Variants in GRIN2A observed in about 807,000 individuals in gnomAD.
The protein encoded by GRIN2A is glutamate ionotropic receptor NMDA type subunit 2A.
GRIN2A carries 22 observed loss-of-function variants against 113.4 expected under a neutral mutation model. That is an observed-to-expected ratio of 0.19 (90% CI 0.14 to 0.28). GRIN2A has a LOEUF of 0.28. Ranked by LOEUF, GRIN2A falls within the 10% of genes least tolerant of loss-of-function variation. GRIN2A has a pLI of 1.00. For missense variants in GRIN2A, 1,502 were observed against 1,887.0 expected (o/e 0.80, Z 3.78); for synonymous variants, 827 against 738.4 (o/e 1.12, Z -1.94).
chr16:10,072,493 T>C (rs2047774207), intron 2 of GRIN2A, among the ~76,000 whole-genome samples: 1 of 152,210 alleles, frequency 6.6e-6, no homozygotes. Flanking sequence ...CCTGAGTTTC[T>C]GTTTTGATTT....
intron 2 of GRIN2A, among the ~76,000 whole-genome samples, chr16:10,040,411 A>C (rs1203779431): frequency 6.7e-6 from 1 of 148,448 alleles, no homozygotes; most frequent in Non-Finnish European, 1.5e-5. Flanking sequence ...CCACAAACAC[A>C]CCACCACACA....
At chr16:10,058,690 T>C (rs764889642) in intron 2 of GRIN2A, among the ~76,000 whole-genome samples, 1 of 152,224 alleles carries the variant, frequency 6.6e-6, no homozygotes. Flanking sequence ...CACAGACCCC[T>C]TAGGGGCCCG....
chr16:9,975,978 G>A (rs548869122), intron 2 of GRIN2A, among the ~76,000 whole-genome samples: 6 of 152,236 alleles, frequency 3.9e-5, no homozygotes, highest in African/African-American at 1.4e-4. Context: ...AAATGTGTAT[G>A]AACTTAATAA....
In GRIN2A at chr16:10,044,036, G is replaced by GAGAGAA. The variant is rs2047217109; in HGVS notation, c.415-105486_415-105485insTTCTCT. ...ATATATATATATAGAGAGAGAGAGA[G>GAGAGAA]AGAGAGAGAGACAGAGACAGAGACA... is the stretch of plus-strand genomic sequence containing the variant. On this transcript the variant is annotated intron_variant, in intron 2 of 12. Coordinates refer to ENST00000330684, the MANE Select transcript of GRIN2A (RefSeq NM_001134407.3). 7.1e-5 allele frequency among the ~76,000 whole-genome samples: 10 copies of GAGAGAA among 141,362 alleles called. No homozygotes were observed. In the South Asian group the frequency reaches 2.1e-3, roughly 29 times the overall value. The allele number at this position is 141,362 out of a possible 152,430, so 92.7% of individuals were successfully genotyped here.
At chr16:9,994,133 A>G (rs1003855685) in intron 2 of GRIN2A, among the ~76,000 whole-genome samples, 5 of 152,122 alleles carry the variant, frequency 3.3e-5, no homozygotes, top group African/African-American at 1.2e-4. Context: ...AGTGTGAAAT[A>G]CCTCCTTTCT....
chr16:10,029,461 T>C (rs2046888826), intron 2 of GRIN2A, among the ~76,000 whole-genome samples: 1 of 152,108 alleles, frequency 6.6e-6, no homozygotes, highest in African/African-American at 2.4e-5. Flanking sequence ...CCCGAAGTGC[T>C]GGGATTAGAG....
At chr16:9,794,790 G>C (rs1378408329) in intron 11 of GRIN2A, 1 of 152,188 alleles carries the variant, frequency 6.6e-6, no homozygotes, top group Non-Finnish European at 1.5e-5. Context: ...TTGGTGCAAA[G>C]AAGACCTTTT....
chr16:9,964,460 C>G (rs772883784), intron 2 of GRIN2A, among the ~76,000 whole-genome samples: 1 of 152,148 alleles, frequency 6.6e-6, no homozygotes, highest in Non-Finnish European at 1.5e-5. Flanking sequence ...ATCAACTTGG[C>G]GGGGGCTTAA....
intron 3 of GRIN2A, among the ~76,000 whole-genome samples, chr16:9,900,096 G>C (rs1052759192): frequency 6.6e-6 from 1 of 152,240 alleles, no homozygotes; most frequent in African/African-American, 2.4e-5. Flanking sequence ...ATGGGTGTCT[G>C]CTAAACTATG....
At chr16:10,135,033 G>C (rs575763088) in intron 2 of GRIN2A, among the ~76,000 whole-genome samples, 1 of 152,254 alleles carries the variant, frequency 6.6e-6, no homozygotes, top group South Asian at 2.1e-4. Context: ...GATAGGCTGA[G>C]AATTTCCCAA....
intron 2 of GRIN2A, among the ~76,000 whole-genome samples, chr16:9,977,158 G>T (rs1050754116): frequency 5.9e-5 from 9 of 152,158 alleles, no homozygotes; most frequent in Non-Finnish European, 1.0e-4. Flanking sequence ...CAGGTGTGGG[G>T]ACACATGCCT....
At chr16:10,015,252 C>CAAAAAAAAAAAAAAAAA (rs200124835) in intron 2 of GRIN2A, among the ~76,000 whole-genome samples, 24 of 19,298 alleles carry the variant, frequency 1.2e-3, no homozygotes, top group African/African-American at 1.7e-3. Context: ...GACTTCATCT[C>CAAAAAAAAAAAAAAAAA]AAAAAAAAAA....
rs2042660185 is a variant in GRIN2A at position 9,840,778 on chromosome 16, A to G, written c.1520T>C (p.Met507Thr). The change falls in exon 7 of 13, where the codon ATG (methionine) becomes ACG (threonine). Residue 507 changes from methionine to threonine, a missense_variant. By Grantham distance (81) the Met-to-Thr change is moderately conservative. Coordinates refer to ENST00000330684, the MANE Select transcript of GRIN2A (RefSeq NM_001134407.3). ...IGEVVYQRAVMAVGSLTINEE... is the reference protein window; with the variant it reads ...IGEVVYQRAVTAVGSLTINEE... ...ATTGATGGTGAGCGAGCCAACTGCC[A>G]TGACTGCCCGTTGATAGACCACCTG... The G allele has an allele frequency of 1.3e-6, 2 of 1,589,860 alleles. No homozygotes were observed. Among genetic ancestry groups the G allele is most frequent in the African/African-American group, 1.4e-5 (1 of 71,382 alleles).
At chr16:9,950,948 T>C (rs2045164938) in intron 2 of GRIN2A, among the ~76,000 whole-genome samples, 1 of 152,198 alleles carries the variant, frequency 6.6e-6, no homozygotes, top group African/African-American at 2.4e-5. Flanking sequence ...ATGAAGAAGG[T>C]AGTATTAATG....
chr16:10,100,514 C>G (rs571653060), intron 2 of GRIN2A, among the ~76,000 whole-genome samples: 1 of 152,306 alleles, frequency 6.6e-6, no homozygotes, highest in South Asian at 2.1e-4. Flanking sequence ...GTAATAAGCC[C>G]ACTCACCTCC....
intron 2 of GRIN2A, among the ~76,000 whole-genome samples, chr16:10,097,335 G>A (rs532685356): frequency 5.9e-5 from 9 of 152,190 alleles, no homozygotes; most frequent in Admixed American, 1.3e-4. Context: ...ACAAATAATC[G>A]TAGAGATGTT....
At chr16:9,826,826 GT>G in intron 9 of GRIN2A, among the ~76,000 whole-genome samples, 1 of 152,246 alleles carries the variant, frequency 6.6e-6, no homozygotes, top group East Asian at 1.9e-4. Flanking sequence ...ATTATTAGTG[GT>G]TTTAATTAGT....
intron 2 of GRIN2A, among the ~76,000 whole-genome samples, chr16:10,179,068 C>A (rs552549477): frequency 2.0e-5 from 3 of 152,276 alleles, no homozygotes; most frequent in South Asian, 4.1e-4. Context: ...GTGTAATTCC[C>A]AAACCAGGCT....
Position 9,754,742 on chromosome 16 carries a change from T to C in GRIN2A, c.*8407A>G. 4.6e-6 allele frequency: 1 copy of C among 219,054 alleles called. No individual in the cohort carries two copies. The highest frequency in any genetic ancestry group is 9.2e-6 in the Non-Finnish European group (1 of 109,112). The allele number at this position is 219,054 out of a possible 1,614,324, so 13.6% of individuals were successfully genotyped here. A position where few individuals can be genotyped will look rare whatever the true frequency, so the allele number is the denominator to read the frequency against. On this transcript the variant is annotated 3_prime_UTR_variant, in exon 13 of 13. Transcript: ENST00000330684. ...TTAAATAAGTCTTAGATGGCTAATG[T>C]AGAAACTTCGATTGAATTCAAAAGG...
Sources: gnomAD v4.1 joint callset for allele counts (sites outside exome capture counted in the v4.1 genomes callset) on GRCh38, gnomAD v4.1.1 for gene constraint, MANE v1.5 for transcripts, NCBI Gene and HGNC (gene_info 2026-07-23, HGNC 2026-07-21) for gene names.